RBFOX1: variants seen among roughly 807,000 people sequenced by gnomAD.
RBFOX1 encodes the protein RNA binding fox-1 homolog 1, also known as RNA binding protein fox-1 homolog 1.
RBFOX1 carries 8 observed loss-of-function variants against 57.7 expected under a neutral mutation model. That is an observed-to-expected ratio of 0.14 (90% CI 0.08 to 0.25). The LOEUF (loss-of-function observed/expected upper bound fraction) is 0.25, where lower values mean the gene tolerates loss of function less well. Ranked by LOEUF, RBFOX1 falls within the 10% of genes least tolerant of loss-of-function variation. The pLI is 1.00. For missense variants in RBFOX1, 611 were observed against 548.5 expected (o/e 1.11, Z -1.14); for synonymous variants, 326 against 222.4 (o/e 1.47, Z -4.15).
Position 6,268,763 on chromosome 16 carries a change from A to G in RBFOX1, c.-126-48232A>G, listed in dbSNP as rs532926789. Reference sequence around the variant, plus strand: ...CAACACACAAACATGCAAGTAAATAATTAAAAATAGTTATAAGTGGACTTC... The same window carrying G: ...CAACACACAAACATGCAAGTAAATAGTTAAAAATAGTTATAAGTGGACTTC... On this transcript the variant is annotated intron_variant, in intron 1 of 15. Coordinates refer to ENST00000550418, the MANE Select transcript of RBFOX1 (RefSeq NM_018723.4). Among the ~76,000 whole-genome samples the G allele has an allele frequency of 4.6e-5, 7 of 152,314 alleles. No individual in the cohort carries two copies. In the South Asian group the frequency reaches 1.4e-3, roughly 32 times the overall value.
rs1216166656 is a variant in RBFOX1, at chr16:7,030,047, T to C, written c.-15-22010T>C. On this transcript the variant is annotated intron_variant, in intron 3 of 15. Coordinates refer to ENST00000550418, the MANE Select transcript of RBFOX1 (RefSeq NM_018723.4). The stretch of plus-strand genomic sequence containing the variant: ...GAAAAGTGGAGGATGGTGGGATAGA[T>C]AGTCAGAAAAGTATGTGGGAAAGTA... Among the ~76,000 whole-genome samples, 4 of 151,988 alleles carry C rather than the reference T, an allele frequency of 2.6e-5. No individual in the cohort carries two copies. In the East Asian group the frequency reaches 5.9e-4, roughly 23 times the overall value.
chr16:7,009,285 C>T (rs947123230), intron 3 of RBFOX1, among the ~76,000 whole-genome samples: 1 of 146,078 alleles, frequency 6.8e-6, no homozygotes, highest in East Asian at 2.0e-4. Flanking sequence ...TCTCTTTTCT[C>T]TCTCACTCTC....
chr16:5,328,442 T>C (rs1246806526), intron 1 of RBFOX1, among the ~76,000 whole-genome samples: 1 of 152,246 alleles, frequency 6.6e-6, no homozygotes, highest in African/African-American at 2.4e-5. Flanking sequence ...ATTTCTGTAA[T>C]TTAAGCCACC....
At chr16:7,490,794 A>C (rs2066728478) in intron 4 of RBFOX1, among the ~76,000 whole-genome samples, 1 of 152,078 alleles carries the variant, frequency 6.6e-6, no homozygotes, top group African/African-American at 2.4e-5. Context: ...TCTCAAAAAG[A>C]CCCACCTAAT....
intron 2 of RBFOX1, among the ~76,000 whole-genome samples, chr16:6,558,376 C>G (rs1331506412): frequency 5.3e-5 from 8 of 152,142 alleles, no homozygotes; most frequent in Admixed American, 5.2e-4. Context: ...GTGCAGTCTT[C>G]TCTTTTAGAA....
intron 3 of RBFOX1, among the ~76,000 whole-genome samples, chr16:5,791,341 A>G (rs1250071188): frequency 6.6e-6 from 1 of 152,206 alleles, no homozygotes; most frequent in Admixed American, 6.5e-5. Context: ...TATCATCTTA[A>G]CAGACATCAT....
chr16:6,115,309 GAATGT>G (rs1382597925), intron 1 of RBFOX1, among the ~76,000 whole-genome samples: 2 of 152,168 alleles, frequency 1.3e-5, no homozygotes, highest in African/African-American at 4.8e-5. Context: ...CTGCCCCTTA[GAATGT>G]AACAAGTACA....
chr16:5,613,634 G>T (rs1482647347), intron 3 of RBFOX1, among the ~76,000 whole-genome samples: 1 of 152,084 alleles, frequency 6.6e-6, no homozygotes, highest in Non-Finnish European at 1.5e-5. Flanking sequence ...TCATTTCATG[G>T]GGGGAGGCAG....
At chr16:7,678,545 C>G (rs1289306206) in intron 14 of RBFOX1, among the ~76,000 whole-genome samples, 3 of 151,914 alleles carry the variant, frequency 2.0e-5, no homozygotes, top group Non-Finnish European at 2.9e-5. Flanking sequence ...TAACTCTAGC[C>G]TGCTGTATAA....
intron 4 of RBFOX1, among the ~76,000 whole-genome samples, chr16:7,313,045 C>T (rs1355591642): frequency 1.3e-5 from 2 of 151,956 alleles, no homozygotes; most frequent in Non-Finnish European, 2.9e-5. Flanking sequence ...AGCGTGTTCC[C>T]CACTGCTGCT....
At chr16:5,737,634 C>G (rs1399602104) in intron 3 of RBFOX1, among the ~76,000 whole-genome samples, 1 of 147,360 alleles carries the variant, frequency 6.8e-6, no homozygotes, top group Non-Finnish European at 1.5e-5. Context: ...ATCTGTACTT[C>G]TCACTAAGTT....
chr16:6,661,440 G>T (rs2098700991), intron 3 of RBFOX1, among the ~76,000 whole-genome samples: 1 of 152,192 alleles, frequency 6.6e-6, no homozygotes, highest in African/African-American at 2.4e-5. Flanking sequence ...GCAGTGAGTA[G>T]GTAGCAGGTT....
intron 4 of RBFOX1, among the ~76,000 whole-genome samples, chr16:5,925,842 C>A (rs1383501317): frequency 6.6e-6 from 1 of 152,172 alleles, no homozygotes; most frequent in Non-Finnish European, 1.5e-5. Context: ...AAATAACTAC[C>A]TGGGCCCCTC....
At chr16:5,643,479 A>G (rs907930251) in intron 3 of RBFOX1, among the ~76,000 whole-genome samples, 2 of 152,212 alleles carry the variant, frequency 1.3e-5, no homozygotes, top group African/African-American at 2.4e-5. Context: ...GCTGAGAGGT[A>G]TGGAGATTCT....
chr16:5,727,041 T>G (rs986292218), intron 3 of RBFOX1, among the ~76,000 whole-genome samples: 3 of 152,154 alleles, frequency 2.0e-5, no homozygotes. Context: ...GGTGGATTAC[T>G]TGAGGTCAGG....
intron 3 of RBFOX1, among the ~76,000 whole-genome samples, chr16:7,042,755 A>T (rs554906148): frequency 6.6e-6 from 1 of 152,112 alleles, no homozygotes. Flanking sequence ...GCAAAACTCC[A>T]TCTCTGCTAC....
intron 2 of RBFOX1, among the ~76,000 whole-genome samples, chr16:6,427,109 C>T (rs1221301288): frequency 1.3e-5 from 2 of 151,972 alleles, no homozygotes; most frequent in Non-Finnish European, 2.9e-5. Context: ...CACAGAAACC[C>T]GATAACAATG....
At chr16:6,822,530 G>T (rs1320558871) in intron 3 of RBFOX1, among the ~76,000 whole-genome samples, 1 of 152,218 alleles carries the variant, frequency 6.6e-6, no homozygotes, top group Admixed American at 6.5e-5. Context: ...TCCACTTCGT[G>T]GCTAGAGATA....
intron 1 of RBFOX1, among the ~76,000 whole-genome samples, chr16:6,053,716 A>G (rs1472243960): frequency 6.6e-6 from 1 of 152,152 alleles, no homozygotes; most frequent in African/African-American, 2.4e-5. Context: ...CTTAAATGGC[A>G]TTTCCAGTGT....
Sources: allele counts gnomAD v4.1 joint callset (sites outside exome capture counted in the v4.1 genomes callset), GRCh38; gene constraint gnomAD v4.1.1; transcripts MANE v1.5; gene names NCBI Gene and HGNC (gene_info 2026-07-23, HGNC 2026-07-21).